The following TYW5 variants were observed in gnomAD, a reference collection of about 807,000 sequenced individuals.
TYW5 encodes tRNA-yW synthesizing protein 5.
A neutral mutation model predicts 44.4 loss-of-function variants in TYW5; 36 were observed. The ratio of observed to expected loss-of-function variants is 0.81; its 90% CI spans 0.62 to 1.07. TYW5 has a LOEUF of 1.07. Among genes scored for constraint, TYW5 ranks in the 50% least tolerant of loss-of-function variants. The pLI is 0.00. For missense variants in TYW5, 354 were observed against 365.7 expected (o/e 0.97, Z 0.26); for synonymous variants, 121 against 128.1 (o/e 0.94, Z 0.37).
Position 199,939,035 on chromosome 2 carries a change from C to G in TYW5, c.384G>C (p.Leu128Phe), listed in dbSNP as rs1262536698. Residue 128 changes from leucine (L) to phenylalanine (F), a missense_variant, in exon 5 of 8, where the codon TTG (leucine) becomes TTC (phenylalanine). By Grantham distance (22) the Leu-to-Phe change is conservative (BLOSUM62 0). Transcript: ENST00000354611. ...VADIRKQFPL[L>F]KGDIKFPEFF... Reference sequence around the variant, plus strand: ...ATTCTGGAAACTTAATATCTCCTTTCAACAAAGGAAACTGCTTTCTGATAT... The same window carrying G: ...ATTCTGGAAACTTAATATCTCCTTTGAACAAAGGAAACTGCTTTCTGATAT... The G allele has an allele frequency of 6.2e-7, 1 of 1,610,900 alleles. No homozygotes were observed. Among genetic ancestry groups the G allele is most frequent in the African/African-American group, 1.3e-5 (1 of 74,618 alleles).
chr2:199,943,243 C>G (rs1279081191), intron 3 of TYW5: 1 of 152,222 alleles, frequency 6.6e-6, no homozygotes, highest in Non-Finnish European at 1.5e-5. Flanking sequence ...TAAAGCTAGA[C>G]TATAATTAAG....
chr2:199,940,431 C>T (rs2077454495), intron 3 of TYW5, among the ~76,000 whole-genome samples: 1 of 151,960 alleles, frequency 6.6e-6, no homozygotes, highest in South Asian at 2.1e-4. Flanking sequence ...GGCAGGAAGA[C>T]TGCTTAAGTC....
At chr2:199,953,334 A>C (rs903804507) in intron 1 of TYW5, among the ~76,000 whole-genome samples, 1 of 152,102 alleles carries the variant, frequency 6.6e-6, no homozygotes, top group Non-Finnish European at 1.5e-5. Flanking sequence ...AAAAAAAAAG[A>C]AAAAGAAAAT....
At chr2:199,950,420 AAAACATGTCT>A (rs1042172629) in intron 1 of TYW5, among the ~76,000 whole-genome samples, 1 of 152,202 alleles carries the variant, frequency 6.6e-6, no homozygotes, top group Non-Finnish European at 1.5e-5. Flanking sequence ...ACCACTGTAA[AAAACATGTCT>A]ACAACAGGTC....
chr2:199,938,789 T>C, intron 5 of TYW5, 144 bp downstream of exon 5: 2 of 770,170 alleles, frequency 2.6e-6, no homozygotes, highest in African/African-American at 1.7e-5. Context: ...ATCACTGCTA[T>C]GCACAGCACC....
In TYW5 at chr2:199,955,453, G is replaced by T; in HGVS notation, c.18C>A (p.Leu6=). 1 of 1,613,886 alleles carries T rather than the reference G, an allele frequency of 6.2e-7. No homozygotes were observed. The highest frequency in any genetic ancestry group is 8.5e-7 in the Non-Finnish European group (1 of 1,179,974). ...AAACGCCCTCCAGCCGGGGTACCGG[G>T]AGGTGCTGCCCGGCCATGGTTGCTC... MAGQH[L]PVPRLEGVSR... Residue 6 remains leucine (L), a synonymous_variant, in exon 1 of 8, where the codon CTC becomes CTA. Coordinates refer to ENST00000354611, the MANE Select transcript of TYW5 (RefSeq NM_001039693.3).
intron 3 of TYW5, among the ~76,000 whole-genome samples, chr2:199,941,343 A>C (rs1574800475): frequency 6.6e-6 from 1 of 152,300 alleles, no homozygotes; most frequent in South Asian, 2.1e-4. Flanking sequence ...GCGAGGCCAA[A>C]AATTATTATT....
chr2:199,938,896 C>A (rs772236358), intron 5 of TYW5, 37 bp downstream of exon 5: 1 of 1,553,520 alleles, frequency 6.4e-7, no homozygotes, highest in Non-Finnish European at 8.7e-7. Context: ...TGCTAAAGAT[C>A]TATTGTAGCT....
Position 199,948,269 on chromosome 2 carries a change from T to G in TYW5, c.233+49A>C, listed in dbSNP as rs748669464. The G allele has an allele frequency of 5.6e-6, 9 of 1,595,336 alleles. No individual in the cohort carries two copies. In the East Asian group the frequency reaches 2.0e-4, roughly 36 times the overall value. ...TAATAATGCAAAAATATTTTAAAAG[T>G]TTTTAAAAAGTTATTTGTATCCCCA... On this transcript the variant is annotated intron_variant, in intron 2 of 7. Transcript: ENST00000354611.
intron 1 of TYW5, among the ~76,000 whole-genome samples, chr2:199,951,794 A>T (rs538339943): frequency 6.2e-4 from 94 of 152,174 alleles, no homozygotes; most frequent in Middle Eastern, 3.4e-3. Flanking sequence ...AGGCAGGCGG[A>T]TCACAAAGTC....
intron 2 of TYW5, chr2:199,947,573 T>C (rs1271694171): frequency 6.6e-6 from 1 of 152,242 alleles, no homozygotes; most frequent in African/African-American, 2.4e-5. Context: ...TGAAAGATTA[T>C]ACCAAACATA....
At position 199,930,846 on chromosome 2, in the gene TYW5, C is replaced by T. The variant is rs1336579373; in HGVS notation, c.*2221G>A. The T allele has an allele frequency of 6.6e-6, 1 of 152,136 alleles. No individual in the cohort carries two copies. Among genetic ancestry groups the T allele is most frequent in the Non-Finnish European group, 1.5e-5 (1 of 68,024 alleles). The allele number at this position is 152,136 out of a possible 1,614,324, so 9.4% of individuals were successfully genotyped here. Reference sequence around the variant, plus strand: ...TATGTGAACCCAGACAATCATTAAGCAATCTGGGTTGGTTAGATGGCTTCT... The same window carrying T: ...TATGTGAACCCAGACAATCATTAAGTAATCTGGGTTGGTTAGATGGCTTCT... On this transcript the variant is annotated 3_prime_UTR_variant, in exon 8 of 8. Coordinates refer to ENST00000354611, the MANE Select transcript of TYW5 (RefSeq NM_001039693.3).
intron 4 of TYW5, 24 bp from the exon 5 acceptor site, chr2:199,939,094 G>GA (rs2077443895): frequency 6.3e-7 from 1 of 1,575,568 alleles, no homozygotes; most frequent in Middle Eastern, 1.7e-4. Context: ...AACATAAAAA[G>GA]AAAAAATTAG....
At chr2:199,937,132 T>TA (rs2077426777) in intron 5 of TYW5, among the ~76,000 whole-genome samples, 1 of 152,248 alleles carries the variant, frequency 6.6e-6, no homozygotes, top group East Asian at 1.9e-4. Flanking sequence ...GAAAAAATGT[T>TA]AAAGGCAGAG....
intron 1 of TYW5, among the ~76,000 whole-genome samples, chr2:199,954,666 C>T (rs1559309873): frequency 6.6e-6 from 1 of 152,126 alleles, no homozygotes; most frequent in African/African-American, 2.4e-5. Context: ...CTCCGGTGAT[C>T]CGTCCGCCTC....
chr2:199,938,410 C>G (rs2077438710), intron 5 of TYW5, among the ~76,000 whole-genome samples: 1 of 152,122 alleles, frequency 6.6e-6, no homozygotes. Flanking sequence ...ACAAATACAG[C>G]AGATATTTGA....
At chr2:199,952,601 C>A (rs145288108) in intron 1 of TYW5, among the ~76,000 whole-genome samples, 59 of 152,272 alleles carry the variant, frequency 3.9e-4, no homozygotes, top group African/African-American at 1.4e-3. Context: ...CAAATATTTT[C>A]TCCCACTTTG....
At chr2:199,947,407 T>A (rs1322433307) in intron 2 of TYW5, 1 of 152,256 alleles carries the variant, frequency 6.6e-6, no homozygotes, top group African/African-American at 2.4e-5. Context: ...TTTAAAACTT[T>A]CATCTTTAGA....
chr2:199,937,529 T>C (rs997784296), intron 5 of TYW5, among the ~76,000 whole-genome samples: 2 of 149,040 alleles, frequency 1.3e-5, no homozygotes, highest in African/African-American at 4.9e-5. Context: ...ATTAGCCGGG[T>C]GTGGTTGTGC....
Sources: allele counts gnomAD v4.1 joint callset (sites outside exome capture counted in the v4.1 genomes callset), GRCh38; gene constraint gnomAD v4.1.1; transcripts MANE v1.5; gene names NCBI Gene and HGNC (gene_info 2026-07-23, HGNC 2026-07-21).